The following HDGFL2 variants were observed in gnomAD, a reference collection of about 807,000 sequenced individuals.
The protein encoded by HDGFL2 is hepatoma-derived growth factor-related protein 2.
Under a neutral mutation model 77.1 loss-of-function variants are expected in HDGFL2, and 36 were observed. That is an observed-to-expected ratio of 0.47 (90% CI 0.36 to 0.62). The LOEUF (loss-of-function observed/expected upper bound fraction) is 0.62, where lower values mean the gene tolerates loss of function less well. Among genes scored for constraint, HDGFL2 ranks in the 20% least tolerant of loss-of-function variants. The pLI is 0.00. For synonymous variants in HDGFL2, 463 were observed against 413.1 expected (o/e 1.12, Z -1.46); for missense variants, 976 against 973.4 (o/e 1.00, Z -0.04).
intron 4 of HDGFL2, 58 bp downstream of exon 4, chr19:4,488,934 G>A (rs1219978567): frequency 2.3e-6 from 3 of 1,287,490 alleles, no homozygotes; most frequent in East Asian, 2.5e-5. Context: ...GTCTCGCCTG[G>A]CAGCTTGCTC....
At chr19:4,493,121 G>A (rs1975584380) in intron 6 of HDGFL2, among the ~76,000 whole-genome samples, 1 of 138,790 alleles carries the variant, frequency 7.2e-6, no homozygotes, top group Non-Finnish European at 1.6e-5. Context: ...TGTTGTCTGT[G>A]TGTGGTGTGT....
intron 3 of HDGFL2, among the ~76,000 whole-genome samples, chr19:4,476,850 C>T (rs1356845945): frequency 2.0e-5 from 3 of 151,702 alleles, no homozygotes; most frequent in African/African-American, 7.3e-5. Flanking sequence ...GGGGTTCTTT[C>T]CTCTGCTTTA....
chr19:4,494,502 C>A, intron 9 of HDGFL2, 27 bp downstream of exon 9: 1 of 1,357,376 alleles, frequency 7.4e-7, no homozygotes, highest in Non-Finnish European at 9.5e-7. Context: ...CCGGGAGTCC[C>A]TGCCTTCACT....
At chr19:4,498,654 G>A (rs1426273896) in intron 12 of HDGFL2, among the ~76,000 whole-genome samples, 160 bp from the exon 13 acceptor site, 1 of 152,092 alleles carries the variant, frequency 6.6e-6, no homozygotes, top group East Asian at 1.9e-4. Flanking sequence ...GGCTATCCCT[G>A]GAGTTCCCCG....
intron 1 of HDGFL2, among the ~76,000 whole-genome samples, chr19:4,473,129 GC>G (rs1974988326): frequency 6.6e-6 from 1 of 150,638 alleles, no homozygotes; most frequent in Admixed American, 6.6e-5. Context: ...AGGAAGCGGT[GC>G]CCTGGGGGTC....
Position 4,498,846 on chromosome 19 carries a change from G to T in HDGFL2, c.1506G>T (p.Glu502Asp). Residue 502 changes from glutamate (E) to aspartate (D), a missense_variant, in exon 13 of 16, where the codon GAG becomes GAT. Glu to Asp is a conservative substitution (Grantham distance 45). Coordinates refer to ENST00000616600, the MANE Select transcript of HDGFL2 (RefSeq NM_001001520.3). ...AGAGGTGCCTGAATGCCCTAGAGGA[G>T]CTGGGAACCCTGCAGGTGACCTCTC... ...DVKRCLNALE[E>D]LGTLQVTSQI... The T allele has an allele frequency of 6.2e-7, 1 of 1,611,668 alleles. No homozygotes were observed. Among genetic ancestry groups the T allele is most frequent in the Non-Finnish European group, 8.5e-7 (1 of 1,178,910 alleles).
In HDGFL2 at chr19:4,476,829, G is replaced by C. The variant is rs1242455339; in HGVS notation, c.288+1246G>C. 5.9e-5 allele frequency among the ~76,000 whole-genome samples: 9 copies of C among 151,960 alleles called. No homozygotes were observed. In the East Asian group the frequency reaches 1.7e-3, roughly 29 times the overall value. On this transcript the variant is annotated intron_variant, in intron 3 of 15. Coordinates refer to ENST00000616600, the MANE Select transcript of HDGFL2 (RefSeq NM_001001520.3). ...ATTCTGGGGTGAGGTGGGGAGTGGG[G>C]GAACTGGGCTGGGGTTCTTTCCTCT...
intron 3 of HDGFL2, among the ~76,000 whole-genome samples, chr19:4,482,758 C>T (rs112297532): frequency 4.7e-4 from 71 of 152,328 alleles, no homozygotes; most frequent in Non-Finnish European, 8.7e-4. Context: ...CTTGACCTCT[C>T]CCTGCCTTTT....
chr19:4,481,048 G>A (rs1402938083), intron 3 of HDGFL2, among the ~76,000 whole-genome samples: 1 of 149,822 alleles, frequency 6.7e-6, no homozygotes, highest in Non-Finnish European at 1.5e-5. Context: ...TGAGACAAGA[G>A]TCTCACTCTG....
At chr19:4,472,638 G>T (rs1349834693) in intron 1 of HDGFL2, among the ~76,000 whole-genome samples, 1 of 150,928 alleles carries the variant, frequency 6.6e-6, no homozygotes. Context: ...TGCGCCCTAG[G>T]GGTCTGGGGT....
intron 1 of HDGFL2, among the ~76,000 whole-genome samples, chr19:4,473,344 G>A (rs1974993227): frequency 6.6e-6 from 1 of 151,490 alleles, no homozygotes. Flanking sequence ...GGGTTGCCCT[G>A]GCCCAGAGGG....
intron 3 of HDGFL2, among the ~76,000 whole-genome samples, chr19:4,480,910 G>A (rs1456980195): frequency 6.6e-6 from 1 of 151,458 alleles, no homozygotes; most frequent in East Asian, 2.0e-4. Context: ...AGGCTGGAGT[G>A]CAGTGGCATG....
At chr19:4,487,770 T>A (rs1261799604) in intron 3 of HDGFL2, among the ~76,000 whole-genome samples, 6 of 152,162 alleles carry the variant, frequency 3.9e-5, no homozygotes, top group Non-Finnish European at 7.4e-5. Context: ...GCTCAGTGTG[T>A]GACCCGGTCA....
At chr19:4,484,972 A>AT (rs1975324050) in intron 3 of HDGFL2, among the ~76,000 whole-genome samples, 1 of 151,814 alleles carries the variant, frequency 6.6e-6, no homozygotes, top group Admixed American at 6.6e-5. Flanking sequence ...TGCCCGGCCA[A>AT]TTTTTTGTAT....
At chr19:4,472,469 A>AGGGG (rs1974966116) in intron 1 of HDGFL2, 47 bp downstream of exon 1, 1 of 456,618 alleles carries the variant, frequency 2.2e-6, no homozygotes, top group Non-Finnish European at 3.0e-6. Context: ...GGGGGGGGGC[A>AGGGG]GCGGGGGCCC....
rs572742910 is a variant in HDGFL2, at chr19:4,473,313, G to A, written c.72+891G>A. On this transcript the variant is annotated intron_variant, in intron 1 of 15. Coordinates refer to ENST00000616600, the MANE Select transcript of HDGFL2 (RefSeq NM_001001520.3). ...GGGTCTGGGGCTTCTGTGCCTGAGG[G>A]AGCTGCACCATGGGGATCTGGGGTT... Among the ~76,000 whole-genome samples the A allele has an allele frequency of 3.3e-5, 5 of 151,300 alleles. No homozygotes were observed. In the East Asian group the frequency reaches 9.8e-4, roughly 30 times the overall value.
In HDGFL2 at chr19:4,501,992, C is replaced by T. The variant is rs1599730191; in HGVS notation, c.1998C>T (p.Ala666=). 1.3e-6 allele frequency: 2 copies of T among 1,516,384 alleles called. No homozygotes were observed. The highest frequency in any genetic ancestry group is 8.8e-7 in the Non-Finnish European group (1 of 1,139,250). 93.9% of individuals were successfully genotyped at this position (1,516,384 alleles called of 1,614,324 possible). The change falls in exon 16 of 16, where the codon GCC becomes GCT. Residue 666 remains alanine (A), a synonymous_variant. Transcript: ENST00000616600. ...AGAGGGCACGGGGGGACTCGGAGGC[C>T]CTGGACGAGGAGAGCTGAGCCGCGG... The part of the protein sequence containing the change: ...ERERARGDSE[A]LDEES
intron 3 of HDGFL2, 112 bp downstream of exon 3, chr19:4,475,695 C>G (rs1035009655): frequency 7.6e-7 from 1 of 1,322,700 alleles, no homozygotes; most frequent in African/African-American, 1.5e-5. Context: ...CGATCGTTCC[C>G]TGTGGTGGGG....
In HDGFL2 at chr19:4,472,344, C is replaced by A. The variant is rs746112109; in HGVS notation, c.-7C>A. 1.3e-6 allele frequency: 2 copies of A among 1,518,352 alleles called. No homozygotes were observed. Among genetic ancestry groups the A allele is most frequent in the South Asian group, 1.3e-5 (1 of 79,686 alleles). The allele number at this position is 1,518,352 out of a possible 1,614,324, so 94.1% of individuals were successfully genotyped here. On this transcript the variant is annotated 5_prime_UTR_variant, in exon 1 of 16. Transcript: ENST00000616600. ...GCTTTCCGCGGCCTGGGCCTCTCGC[C>A]GTCAGCATGCCACACGCCTTCAAGC...
Sources: gnomAD v4.1 joint callset for allele counts (sites outside exome capture counted in the v4.1 genomes callset) on GRCh38, gnomAD v4.1.1 for gene constraint, MANE v1.5 for transcripts, NCBI Gene and HGNC (gene_info 2026-07-23, HGNC 2026-07-21) for gene names.